The following RAP1GDS1 variants were observed in gnomAD, a reference collection of about 807,000 sequenced individuals.
RAP1GDS1 encodes Rap1 GTPase-GDP dissociation stimulator 1.
A neutral mutation model predicts 71.1 loss-of-function variants in RAP1GDS1; 35 were observed. That is an observed-to-expected ratio of 0.49 (90% CI 0.38 to 0.65). RAP1GDS1 has a LOEUF of 0.65. Among genes scored for constraint, RAP1GDS1 ranks in the 30% least tolerant of loss-of-function variants. RAP1GDS1 has a pLI of 0.00. For missense variants in RAP1GDS1, 663 were observed against 706.1 expected (o/e 0.94, Z 0.69); for synonymous variants, 229 against 243.1 (o/e 0.94, Z 0.54).
rs190814726 is a variant in RAP1GDS1, at chr4:98,402,224, A to G, written c.638-2253A>G. 3.0e-3 allele frequency among the ~76,000 whole-genome samples: 455 copies of G among 152,222 alleles called. 5 individuals carry two copies. The highest frequency in any genetic ancestry group is 7.2e-3 in the Admixed American group (110 of 15,284). On this transcript the variant is annotated intron_variant, in intron 6 of 14. Transcript: ENST00000408927. ...GTAGCTGGGACTATAGGTGTATGCC[A>G]TCACGCCCAGCTAATTTTTGTATTT...
chr4:98,303,477 AT>A (rs1189708859), intron 2 of RAP1GDS1, among the ~76,000 whole-genome samples: 2 of 151,608 alleles, frequency 1.3e-5, no homozygotes, highest in African/African-American at 4.8e-5. Flanking sequence ...TTTGTGAAAT[AT>A]TTACAAATGC....
intron 14 of RAP1GDS1, among the ~76,000 whole-genome samples, chr4:98,439,080 C>T (rs1250253681): frequency 6.6e-6 from 1 of 152,154 alleles, no homozygotes; most frequent in Non-Finnish European, 1.5e-5. Context: ...CATTCCCTTT[C>T]TGTTTAGAGA....
chr4:98,362,844 C>G (rs771288038), intron 4 of RAP1GDS1, among the ~76,000 whole-genome samples: 26 of 152,132 alleles, frequency 1.7e-4, no homozygotes, highest in Non-Finnish European at 2.6e-4. Context: ...CACTCTATGT[C>G]TTTGTATTCT....
intron 2 of RAP1GDS1, among the ~76,000 whole-genome samples, chr4:98,338,362 C>G (rs548725951): frequency 2.8e-4 from 42 of 152,206 alleles, no homozygotes; most frequent in African/African-American, 1.0e-3. Context: ...GCTTTGTTTT[C>G]TGTTGCATAA....
chr4:98,273,829 A>G (rs993726331), intron 1 of RAP1GDS1, among the ~76,000 whole-genome samples: 2 of 152,154 alleles, frequency 1.3e-5, no homozygotes, highest in African/African-American at 4.8e-5. Context: ...TTAGTATGCA[A>G]TTACATTGCA....
chr4:98,326,886 T>C (rs1045762948), intron 2 of RAP1GDS1, among the ~76,000 whole-genome samples: 13 of 152,214 alleles, frequency 8.5e-5, no homozygotes, highest in African/African-American at 2.9e-4. Context: ...GGTGTGTGCC[T>C]GTAAGAGCTA....
chr4:98,422,545 C>T (rs1749041836), intron 12 of RAP1GDS1, among the ~76,000 whole-genome samples: 2 of 152,162 alleles, frequency 1.3e-5, no homozygotes. Flanking sequence ...GTGACCCTTT[C>T]AGTCATTTCT....
chr4:98,395,981 G>T, intron 6 of RAP1GDS1: 1 of 157,556 alleles, frequency 6.3e-6, no homozygotes, highest in South Asian at 1.9e-4. Flanking sequence ...CTTCTGGTGA[G>T]GGACTCAGGA....
At chr4:98,359,804 T>C (rs1738459448) in intron 4 of RAP1GDS1, among the ~76,000 whole-genome samples, 2 of 152,154 alleles carry the variant, frequency 1.3e-5, no homozygotes, top group African/African-American at 4.8e-5. Context: ...TGGACAGAGA[T>C]GTGAGGCAGA....
At chr4:98,313,242 T>C (rs1303241568) in intron 2 of RAP1GDS1, among the ~76,000 whole-genome samples, 1 of 152,102 alleles carries the variant, frequency 6.6e-6, no homozygotes, top group Non-Finnish European at 1.5e-5. Flanking sequence ...GGGTAAGGTG[T>C]GTTGTTTATT....
intron 4 of RAP1GDS1, among the ~76,000 whole-genome samples, chr4:98,368,856 CCT>C (rs1739924066): frequency 6.6e-6 from 1 of 152,146 alleles, no homozygotes; most frequent in South Asian, 2.1e-4. Flanking sequence ...GTACTGAAGT[CCT>C]CTTATTCACT....
intron 2 of RAP1GDS1, among the ~76,000 whole-genome samples, chr4:98,294,739 A>C (rs1177369372): frequency 2.0e-5 from 3 of 152,172 alleles, no homozygotes; most frequent in Non-Finnish European, 4.4e-5. Flanking sequence ...GATCACAGAT[A>C]TAAAATATTC....
At chr4:98,352,430 A>T (rs1411448482) in intron 3 of RAP1GDS1, 46 bp from the exon 4 acceptor site, 2 of 1,591,414 alleles carry the variant, frequency 1.3e-6, no homozygotes, top group East Asian at 2.2e-5. Flanking sequence ...ATTTATGTAA[A>T]TTGTGAATCG....
At chr4:98,347,690 C>A (rs1012472765) in intron 3 of RAP1GDS1, among the ~76,000 whole-genome samples, 31 of 152,170 alleles carry the variant, frequency 2.0e-4, no homozygotes, top group African/African-American at 7.5e-4. Context: ...CTGCCCCTTT[C>A]CCCGAACCAA....
chr4:98,270,584 A>G (rs1385251020), intron 1 of RAP1GDS1, among the ~76,000 whole-genome samples: 1 of 152,194 alleles, frequency 6.6e-6, no homozygotes, highest in East Asian at 1.9e-4. Flanking sequence ...TTGTAACTAG[A>G]AGCATTTCAG....
intron 7 of RAP1GDS1, among the ~76,000 whole-genome samples, chr4:98,407,982 A>G (rs951257132): frequency 5.9e-5 from 9 of 152,128 alleles, no homozygotes; most frequent in Admixed American, 5.2e-4. Context: ...TGATGAAAAG[A>G]GAGAGAAAGC....
intron 6 of RAP1GDS1, chr4:98,396,821 CA>C (rs1231512501): frequency 6.6e-6 from 1 of 152,130 alleles, no homozygotes; most frequent in African/African-American, 2.4e-5. Context: ...GTTTAAAATT[CA>C]TGTCACATAC....
intron 1 of RAP1GDS1, among the ~76,000 whole-genome samples, chr4:98,265,841 A>G (rs754397724): frequency 1.3e-5 from 2 of 152,132 alleles, no homozygotes; most frequent in Non-Finnish European, 2.9e-5. Context: ...GGTGATAGGG[A>G]CTGAGAACAG....
chr4:98,410,260 G>A (rs1413878454), intron 7 of RAP1GDS1, among the ~76,000 whole-genome samples: 2 of 152,130 alleles, frequency 1.3e-5, no homozygotes, highest in Admixed American at 6.6e-5. Context: ...TAAGAAAAAT[G>A]TGAAAAACAT....
Sources: gnomAD v4.1 joint callset for allele counts (sites outside exome capture counted in the v4.1 genomes callset) on GRCh38, gnomAD v4.1.1 for gene constraint, MANE v1.5 for transcripts, NCBI Gene and HGNC (gene_info 2026-07-23, HGNC 2026-07-21) for gene names.